Variants in DOT1L observed in about 807,000 individuals in gnomAD.
DOT1L encodes DOT1 like histone lysine methyltransferase, also known as histone-lysine N-methyltransferase, H3 lysine-79 specific.
In DOT1L, 33 loss-of-function variants were observed where a neutral mutation model predicts 153.3. The observed-to-expected ratio is 0.22, with a 90% CI of 0.16 to 0.29. The LOEUF (loss-of-function observed/expected upper bound fraction) is 0.29. Among genes scored for constraint, DOT1L ranks in the 10% least tolerant of loss-of-function variants. DOT1L has a pLI of 1.00. For synonymous variants in DOT1L, 1,135 were observed against 965.1 expected (o/e 1.18, Z -3.26); for missense variants, 1,847 against 2,119.9 (o/e 0.87, Z 2.53).
At position 2,217,688 on chromosome 19, in the gene DOT1L, G is replaced by A; in HGVS notation, c.2545-84G>A. The A allele has an allele frequency of 1.3e-6, 2 of 1,517,350 alleles. No homozygotes were observed. The highest frequency in any genetic ancestry group is 2.0e-5 in the Admixed American group (1 of 49,654). The allele number at this position is 1,517,350 out of a possible 1,614,324, so 94.0% of individuals were successfully genotyped here. A position where few individuals can be genotyped will look rare whatever the true frequency, so the allele number is the denominator to read the frequency against. ...TGGGGGCCGCCTTGAGAGAGCTGTAGCAGGCCCCCGTCCTGTGGCTGTGGT... is the reference window on the plus strand; with the variant it reads ...TGGGGGCCGCCTTGAGAGAGCTGTAACAGGCCCCCGTCCTGTGGCTGTGGT... On this transcript the variant is annotated intron_variant, in intron 21 of 27. Transcript: ENST00000398665. This position sits in a 1 kb window ranked among gnomAD's most constrained non-coding sequence, Gnocchi z 7.3.
chr19:2,189,483 G>A (rs2022695755), intron 3 of DOT1L, among the ~76,000 whole-genome samples: 2 of 152,232 alleles, frequency 1.3e-5, no homozygotes, highest in South Asian at 2.1e-4. Context: ...GGCAGGTCCA[G>A]ACTGCCTCAG....
rs148358655 is a variant in DOT1L at position 2,226,871 on chromosome 19, C to T, written c.4350C>T (p.Ser1450=). ...CCGGCCTGGCCCCGGCGGCGTCCTCCGCAGGCGGCGCGGCGTCCTCCGCCC... is the reference window on the plus strand; with the variant it reads ...CCGGCCTGGCCCCGGCGGCGTCCTCTGCAGGCGGCGCGGCGTCCTCCGCCC... ...SGPGLAPAAS[S]AGGAASSAQT... Residue 1450 remains serine (S), a synonymous_variant, in exon 27 of 28, where the codon TCC becomes TCT. Coordinates refer to ENST00000398665, the MANE Select transcript of DOT1L (RefSeq NM_032482.3). 5,068 of 1,572,576 alleles carry T rather than the reference C, an allele frequency of 3.2e-3. 32 individuals carry two copies. The highest frequency in any genetic ancestry group is 0.012 in the South Asian group (1,092 of 88,052).
rs201929424 is a variant in DOT1L at position 2,211,180 on chromosome 19, C to T, written c.1433C>T (p.Ala478Val). 49 of 1,611,348 alleles carry T rather than the reference C, an allele frequency of 3.0e-5. No individual in the cohort carries two copies. Among genetic ancestry groups the T allele is most frequent in the South Asian group, 6.6e-5 (6 of 90,986 alleles). The change falls in exon 15 of 28, where the codon GCG (alanine) becomes GTG (valine). Residue 478 changes from alanine (A) to valine (V), a missense_variant. Coordinates refer to ENST00000398665, the MANE Select transcript of DOT1L (RefSeq NM_032482.3). ...QRHSPNPLLV[A>V]PTPPALQKLL... is the part of the protein sequence containing the mutation. ...CACTCCCCCAACCCGCTGCTGGTGG[C>T]GCCCACCCCGCCCGCGCTGCAGAAG...
chr19:2,228,057 C>T, intron 27 of DOT1L: 4 of 1,312,362 alleles, frequency 3.0e-6, no homozygotes, highest in Non-Finnish European at 4.0e-6. Context: ...TGAGCCCGCG[C>T]TTCTGCAGAG....
intron 9 of DOT1L, among the ~76,000 whole-genome samples, chr19:2,206,131 G>A (rs1026497627): frequency 6.6e-6 from 1 of 151,980 alleles, no homozygotes; most frequent in Admixed American, 6.6e-5. Flanking sequence ...CCGAGTAGCT[G>A]GGATTACAGA....
intron 1 of DOT1L, among the ~76,000 whole-genome samples, chr19:2,165,935 ATG>A (rs2019901512): frequency 6.6e-6 from 1 of 151,160 alleles, no homozygotes. Flanking sequence ...CGCCCGGCTA[ATG>A]TTTTTTGTGT....
rs148866679 is a variant in DOT1L, at chr19:2,218,280, T to C, written c.2691+362T>C. On this transcript the variant is annotated intron_variant, in intron 22 of 27. Coordinates refer to ENST00000398665, the MANE Select transcript of DOT1L (RefSeq NM_032482.3). ...GGGTTCTCCCACCCAGCGCTGTGCA[T>C]GCAGAGAATCTCGTCTTGTGTAGCA... 5.9e-3 allele frequency among the ~76,000 whole-genome samples: 895 copies of C among 152,376 alleles called. 6 individuals carry two copies. The highest frequency in any genetic ancestry group is 0.02 in the African/African-American group (845 of 41,594).
intron 8 of DOT1L, among the ~76,000 whole-genome samples, chr19:2,201,079 GTCCCCTCATTCCTCGTCC>G (rs2023254052): frequency 8.9e-5 from 1 of 11,230 alleles, no homozygotes; most frequent in Admixed American, 8.8e-4. Context: ...ATTCCTCGTC[GTCCCCTCATTCCTCGTCC>G]TCCCCGCATT....
At chr19:2,219,889 C>T (rs919736967) in intron 22 of DOT1L, among the ~76,000 whole-genome samples, 4 of 152,236 alleles carry the variant, frequency 2.6e-5, no homozygotes, top group South Asian at 2.1e-4. Flanking sequence ...GCCTCAGGCC[C>T]GCTGCCCATT....
chr19:2,196,802 C>A (rs1028164337), intron 7 of DOT1L, among the ~76,000 whole-genome samples: 2 of 152,218 alleles, frequency 1.3e-5, no homozygotes, highest in African/African-American at 4.8e-5. Context: ...CCTTCCCTGC[C>A]CTGGTCTTGG....
At chr19:2,210,299 G>A in intron 12 of DOT1L, 101 bp from the exon 13 acceptor site, 1 of 1,042,530 alleles carries the variant, frequency 9.6e-7, no homozygotes, top group Non-Finnish European at 1.3e-6. Flanking sequence ...GACAGAGTTG[G>A]GCCCGTGGCC....
chr19:2,188,408 T>C (rs1014244427), intron 3 of DOT1L: 1 of 149,890 alleles, frequency 6.7e-6, no homozygotes, highest in Non-Finnish European at 1.5e-5. Flanking sequence ...GGGGTTGCCA[T>C]TGGGAGGAAA....
At chr19:2,181,051 C>A (rs1228400647) in intron 2 of DOT1L, among the ~76,000 whole-genome samples, 1 of 152,202 alleles carries the variant, frequency 6.6e-6, no homozygotes, top group East Asian at 1.9e-4. Context: ...TTGGGCCGAC[C>A]TTCACCCTCA....
chr19:2,214,116 C>G (rs879205752), intron 18 of DOT1L, 130 bp downstream of exon 18: 1 of 1,397,666 alleles, frequency 7.2e-7, no homozygotes, highest in Admixed American at 2.3e-5. Flanking sequence ...AGACGAATTG[C>G]GCCACCTGTG....
Position 2,216,947 on chromosome 19 carries a change from C to T in DOT1L, c.2409-8C>T. 6.2e-7 allele frequency: 1 copy of T among 1,602,880 alleles called. No homozygotes were observed. The highest frequency in any genetic ancestry group is 1.1e-5 in the South Asian group (1 of 90,768). On this transcript the variant is annotated splice_polypyrimidine_tract_variant and splice_region_variant and intron_variant, in intron 20 of 27. Coordinates refer to ENST00000398665, the MANE Select transcript of DOT1L (RefSeq NM_032482.3). The stretch of plus-strand genomic sequence containing the variant: ...GCCCTCGAGAGTGACTGCAGCTTCT[C>T]ATTCCAGAGCTGAGCACACCAAGGA...
intron 27 of DOT1L, chr19:2,227,579 G>A (rs1269830950): frequency 2.4e-6 from 2 of 847,860 alleles, no homozygotes; most frequent in Non-Finnish European, 3.2e-6. Context: ...GCGGAGGGCG[G>A]GCCACCACGA....
chr19:2,214,744 C>T (rs1236076455), intron 19 of DOT1L, 148 bp downstream of exon 19: 6 of 1,240,660 alleles, frequency 4.8e-6, no homozygotes, highest in African/African-American at 3.0e-5. Context: ...ATGGAACCTT[C>T]TGTCTTGGGC....
intron 1 of DOT1L, among the ~76,000 whole-genome samples, chr19:2,172,679 A>G (rs1250023741): frequency 5.3e-5 from 8 of 150,726 alleles, no homozygotes; most frequent in Non-Finnish European, 1.0e-4. Context: ...TAGTTTTTGT[A>G]TTTTTAGTGG....
In DOT1L at chr19:2,222,509, G is replaced by T. The variant is rs771710239; in HGVS notation, c.3340G>T (p.Ala1114Ser). 31 of 1,575,674 alleles carry T rather than the reference G, an allele frequency of 2.0e-5. No individual in the cohort carries two copies. The South Asian group carries it at 3.4e-4, about 17-fold the overall frequency. The change falls in exon 24 of 28, where the codon GCT (alanine) becomes TCT (serine). Residue 1114 changes from alanine (A) to serine (S), a missense_variant. This residue lies in a region of DOT1L where 934 missense variants were observed against 825.3 expected (regional missense o/e 1.13). Coordinates refer to ENST00000398665, the MANE Select transcript of DOT1L (RefSeq NM_032482.3). The surrounding 1 kb of genome is among the most constrained non-coding windows in gnomAD (Gnocchi z 6.5). ...SPKRRALPSV[A>S]GLFTQPSGSP... ...CAAGCGCCGAGCCCTGCCGTCCGTC[G>T]CTGGCCTTTTCACACAGCCTTCGGG...
Sources: gnomAD v4.1 joint callset for allele counts (sites outside exome capture counted in the v4.1 genomes callset) on GRCh38, gnomAD v4.1.1 for gene constraint, gnomAD v4.1.1 regional missense constraint, Gnocchi (gnomAD v3.1) non-coding constraint, MANE v1.5 for transcripts, NCBI Gene and HGNC (gene_info 2026-07-23, HGNC 2026-07-21) for gene names.